The following EFR3A variants were observed in gnomAD, a reference collection of about 807,000 sequenced individuals.
EFR3A encodes the protein protein EFR3 homolog A.
In EFR3A, 76 loss-of-function variants were observed where a neutral mutation model predicts 104.4. The ratio of observed to expected loss-of-function variants is 0.73; its 90% CI spans 0.60 to 0.88. EFR3A has a LOEUF of 0.88. Ranked by LOEUF, EFR3A falls within the 40% of genes least tolerant of loss-of-function variation. EFR3A has a pLI of 0.00. For synonymous variants in EFR3A, 330 were observed against 330.0 expected (o/e 1.00, Z 0.00); for missense variants, 985 against 1,012.5 (o/e 0.97, Z 0.37).
At chr8:131,943,535 A>G (rs549638979) in intron 2 of EFR3A, among the ~76,000 whole-genome samples, 9 of 152,154 alleles carry the variant, frequency 5.9e-5, no homozygotes, top group African/African-American at 7.2e-5. Flanking sequence ...AGGCAAACCA[A>G]TTCCTCCTAG....
At chr8:131,949,532 A>G (rs1037537908) in intron 4 of EFR3A, among the ~76,000 whole-genome samples, 1 of 152,118 alleles carries the variant, frequency 6.6e-6, no homozygotes, top group Non-Finnish European at 1.5e-5. Context: ...GGGTTGGTGC[A>G]GTGGTTCATG....
chr8:131,932,391 A>G (rs960424309), intron 1 of EFR3A, among the ~76,000 whole-genome samples: 1 of 152,140 alleles, frequency 6.6e-6, no homozygotes, highest in Non-Finnish European at 1.5e-5. Context: ...GCAGTTTTCA[A>G]AAAGACATTT....
rs553790706 is a variant in EFR3A at position 131,915,976 on chromosome 8, C to T, written c.10+11654C>T. Among the ~76,000 whole-genome samples, 10 of 152,266 alleles carry T rather than the reference C, an allele frequency of 6.6e-5. No homozygotes were observed. In the East Asian group the frequency reaches 1.5e-3, roughly 23 times the overall value. The stretch of plus-strand genomic sequence containing the variant: ...ACACCAACAGGGGTGTCGTCCCTGC[C>T]CTCATGGATCTTGGTCTGATGGGGA... On this transcript the variant is annotated intron_variant, in intron 1 of 22. Coordinates refer to ENST00000254624, the MANE Select transcript of EFR3A (RefSeq NM_015137.6).
intron 1 of EFR3A, among the ~76,000 whole-genome samples, chr8:131,932,641 A>G (rs893128846): frequency 6.6e-6 from 1 of 152,134 alleles, no homozygotes; most frequent in East Asian, 1.9e-4. Context: ...TCTCTAAGAC[A>G]TGGAAGTAAG....
chr8:131,942,519 AAGT>A (rs1818213050), intron 2 of EFR3A, among the ~76,000 whole-genome samples: 1 of 152,088 alleles, frequency 6.6e-6, no homozygotes, highest in African/African-American at 2.4e-5. Flanking sequence ...TGGAAGTAAT[AAGT>A]AGTACCGATC....
At chr8:132,009,275 A>G (rs1201060791) in intron 22 of EFR3A, among the ~76,000 whole-genome samples, 2 of 152,124 alleles carry the variant, frequency 1.3e-5, no homozygotes, top group Non-Finnish European at 2.9e-5. Flanking sequence ...AAGAATATTT[A>G]TATAAATGGA....
At chr8:131,950,111 T>G in intron 5 of EFR3A, 21 bp downstream of exon 5, 1 of 1,575,960 alleles carries the variant, frequency 6.3e-7, no homozygotes, top group Non-Finnish European at 8.6e-7. Flanking sequence ...TTTTACTTTA[T>G]GATCTATAGT....
intron 1 of EFR3A, among the ~76,000 whole-genome samples, chr8:131,922,181 C>A (rs571927181): frequency 5.6e-4 from 86 of 152,218 alleles, no homozygotes; most frequent in African/African-American, 2.1e-3. Flanking sequence ...GTATCCATAT[C>A]TTTCTTTTTT....
chr8:131,980,574 A>G (rs1022977397), intron 14 of EFR3A, among the ~76,000 whole-genome samples: 1 of 152,088 alleles, frequency 6.6e-6, no homozygotes, highest in Non-Finnish European at 1.5e-5. Context: ...GGGATATAAT[A>G]TGTTTTGATT....
chr8:131,904,321 C>T lies in EFR3A; in HGVS notation c.9C>T (p.Thr3=), dbSNP rs1239507586. Residue 3 remains threonine, a splice_region_variant and synonymous_variant, in exon 1 of 23, where the codon ACC becomes ACT. Coordinates refer to ENST00000254624, the MANE Select transcript of EFR3A (RefSeq NM_015137.6). ...GCGCGGTCGAGATCGCCATGCCTAC[C>T]CGTGAGTGGCCGGCCGAGGGCCGGG... MP[T]RVCCCCSALR... The T allele has an allele frequency of 1.1e-5, 14 of 1,256,584 alleles. No individual in the cohort carries two copies. In the African/African-American group the frequency reaches 2.2e-4, roughly 19 times the overall value. 77.8% of individuals were successfully genotyped at this position (1,256,584 alleles called of 1,614,324 possible). A position where few individuals can be genotyped will look rare whatever the true frequency, so the allele number is the denominator to read the frequency against.
At chr8:131,919,887 T>C (rs1305948577) in intron 1 of EFR3A, among the ~76,000 whole-genome samples, 1 of 150,904 alleles carries the variant, frequency 6.6e-6, no homozygotes, top group South Asian at 2.1e-4. Flanking sequence ...TATATATATA[T>C]TATATTTAAG....
At chr8:131,916,013 C>G (rs77718102) in intron 1 of EFR3A, among the ~76,000 whole-genome samples, 1 of 152,276 alleles carries the variant, frequency 6.6e-6, no homozygotes, top group African/African-American at 2.4e-5. Flanking sequence ...GAAAGGTGCT[C>G]AGCACGTAGT....
intron 3 of EFR3A, among the ~76,000 whole-genome samples, chr8:131,945,790 T>A (rs186191766): frequency 6.6e-6 from 1 of 152,098 alleles, no homozygotes; most frequent in African/African-American, 2.4e-5. Context: ...TGGGAACATT[T>A]CAAGTCCTTT....
Position 131,991,247 on chromosome 8 carries a change from C to A in EFR3A, c.2065+3545C>A, listed in dbSNP as rs199831808. Among the ~76,000 whole-genome samples, 14 of 152,210 alleles carry A rather than the reference C, an allele frequency of 9.2e-5. No individual in the cohort carries two copies. The East Asian group carries it at 2.7e-3, about 30-fold the overall frequency. On this transcript the variant is annotated intron_variant, in intron 18 of 22. Transcript: ENST00000254624. ...ACGAGACTAATGTGGGAAAGACCAA[C>A]CCTCATGATTCAGTTACCTACCACT...
At chr8:131,986,152 G>A (rs756720032) in intron 16 of EFR3A, 42 bp from the exon 17 acceptor site, 3 of 1,101,962 alleles carry the variant, frequency 2.7e-6, no homozygotes, top group Non-Finnish European at 4.1e-6. Context: ...GTACTGAGGG[G>A]TAGGGTTTTT....
chr8:131,907,043 A>G (rs1486386134), intron 1 of EFR3A, among the ~76,000 whole-genome samples: 2 of 152,216 alleles, frequency 1.3e-5, no homozygotes, highest in African/African-American at 4.8e-5. Context: ...TGACTTGAAC[A>G]CAGAACTGGC....
At chr8:131,946,378 C>A in intron 3 of EFR3A, 105 bp from the exon 4 acceptor site, 1 of 1,120,476 alleles carries the variant, frequency 8.9e-7, no homozygotes, top group Non-Finnish European at 1.2e-6. Flanking sequence ...GCATTTCTTT[C>A]TTTGGTGTAT....
intron 8 of EFR3A, among the ~76,000 whole-genome samples, chr8:131,965,430 C>A (rs974968949): frequency 1.9e-4 from 29 of 152,206 alleles, no homozygotes; most frequent in African/African-American, 6.8e-4. Context: ...CAAAAGAAGA[C>A]ATTTATGCAG....
At chr8:131,935,023 A>G (rs1230133624) in intron 1 of EFR3A, among the ~76,000 whole-genome samples, 5 of 152,152 alleles carry the variant, frequency 3.3e-5, no homozygotes, top group African/African-American at 1.2e-4. Flanking sequence ...CCACAGAGCT[A>G]GAGTTCTTGA....
Sources: gnomAD v4.1 joint callset for allele counts (sites outside exome capture counted in the v4.1 genomes callset) on GRCh38, gnomAD v4.1.1 for gene constraint, MANE v1.5 for transcripts, NCBI Gene and HGNC (gene_info 2026-07-23, HGNC 2026-07-21) for gene names.